LSAMP: variants seen among roughly 807,000 people sequenced by gnomAD.
LSAMP encodes the protein limbic system-associated membrane protein.
A neutral mutation model predicts 38.6 loss-of-function variants in LSAMP; 7 were observed. The ratio of observed to expected loss-of-function variants is 0.18; its 90% confidence interval spans 0.10 to 0.34. The LOEUF (loss-of-function observed/expected upper bound fraction) is 0.34. LSAMP is among the 10% of genes least tolerant of loss of function. LSAMP has a pLI of 1.00. For synonymous variants in LSAMP, 154 were observed against 166.8 expected (o/e 0.92, Z 0.59); for missense variants, 313 against 420.0 (o/e 0.75, Z 2.23).
intron 1 of LSAMP, among the ~76,000 whole-genome samples, chr3:116,319,809 T>TC (rs1167384860): frequency 2.6e-5 from 4 of 151,018 alleles, no homozygotes; most frequent in Non-Finnish European, 5.9e-5. Context: ...TTTTTGTTTT[T>TC]TTTTTTAATA....
intron 1 of LSAMP, among the ~76,000 whole-genome samples, chr3:116,411,084 T>C (rs2048969459): frequency 6.6e-6 from 1 of 152,078 alleles, no homozygotes; most frequent in African/African-American, 2.4e-5. Context: ...AGATATCATC[T>C]CACACCAGTT....
intron 1 of LSAMP, among the ~76,000 whole-genome samples, chr3:116,341,215 G>C (rs533899255): frequency 6.6e-6 from 1 of 151,650 alleles, no homozygotes; most frequent in African/African-American, 2.4e-5. Flanking sequence ...AATTAACTTA[G>C]GTAATTTAAA....
At chr3:116,235,059 G>A (rs1464070324) in intron 1 of LSAMP, among the ~76,000 whole-genome samples, 1 of 151,954 alleles carries the variant, frequency 6.6e-6, no homozygotes, top group Non-Finnish European at 1.5e-5. Flanking sequence ...ACATAATTTG[G>A]AACATGCCAT....
chr3:115,989,328 G>T (rs1345866983), intron 3 of LSAMP, among the ~76,000 whole-genome samples: 1 of 152,030 alleles, frequency 6.6e-6, no homozygotes, highest in East Asian at 1.9e-4. Context: ...CTTTTTAAAA[G>T]AAGATATTGG....
chr3:116,312,324 G>A, intron 1 of LSAMP, among the ~76,000 whole-genome samples: 1 of 152,140 alleles, frequency 6.6e-6, no homozygotes, highest in Non-Finnish European at 1.5e-5. Flanking sequence ...CAGCAACCCT[G>A]CCCATCTTTG....
At position 115,806,014 on chromosome 3, in the gene LSAMP, C is replaced by T. The variant is rs186686991; in HGVS notation, c.*4303G>A. 1 of 152,210 alleles carries T rather than the reference C, an allele frequency of 6.6e-6. No homozygotes were observed. Among genetic ancestry groups the T allele is most frequent in the East Asian group, 1.9e-4 (1 of 5,182 alleles). 9.4% of individuals were successfully genotyped at this position (152,210 alleles called of 1,614,324 possible). A position where few individuals can be genotyped will look rare whatever the true frequency, so the allele number is the denominator to read the frequency against. ...AATAGTTTATGTAGGTAAGATATAG[C>T]ACTGTACTTACATTTCTCTTAAAAA... On this transcript the variant is annotated 3_prime_UTR_variant, in exon 7 of 7. Coordinates refer to ENST00000490035, the MANE Select transcript of LSAMP (RefSeq NM_002338.5).
At chr3:116,213,191 G>C (rs545852647) in intron 1 of LSAMP, among the ~76,000 whole-genome samples, 2 of 152,114 alleles carry the variant, frequency 1.3e-5, no homozygotes, top group Non-Finnish European at 2.9e-5. Context: ...ATCATTTTGA[G>C]TTGTGATATG....
rs145522441 is a variant in LSAMP at position 116,021,997 on chromosome 3, A to G, written c.389-2357T>C. ...ACACTGCATCTCCTAATTAAGGACAATCTATTCAAGTACTGAGTCTCAGAG... is the reference window on the plus strand; with the variant it reads ...ACACTGCATCTCCTAATTAAGGACAGTCTATTCAAGTACTGAGTCTCAGAG... On this transcript the variant is annotated intron_variant, in intron 2 of 6. Coordinates refer to ENST00000490035, the MANE Select transcript of LSAMP (RefSeq NM_002338.5). Among the ~76,000 whole-genome samples, 231 of 152,262 alleles carry G rather than the reference A, an allele frequency of 1.5e-3. 1 individual carries two copies. Among genetic ancestry groups the G allele is most frequent in the Non-Finnish European group, 2.0e-3 (133 of 68,014 alleles).
chr3:116,019,461 C>A (rs893962394), intron 3 of LSAMP, 54 bp downstream of exon 3: 13 of 1,586,054 alleles, frequency 8.2e-6, no homozygotes, highest in Middle Eastern at 3.4e-4. Flanking sequence ...ATTCCAGGAG[C>A]ATGAGCATAT....
chr3:115,925,505 A>T (rs1251778447), intron 3 of LSAMP, among the ~76,000 whole-genome samples: 1 of 152,228 alleles, frequency 6.6e-6, no homozygotes, highest in Non-Finnish European at 1.5e-5. Flanking sequence ...CACAAATGTT[A>T]TAGAAGGCCC....
chr3:115,912,136 A>G (rs1205108754), intron 3 of LSAMP, among the ~76,000 whole-genome samples: 1 of 152,140 alleles, frequency 6.6e-6, no homozygotes, highest in East Asian at 1.9e-4. Flanking sequence ...GGTCTTTTGC[A>G]AAGCAGAAGT....
chr3:115,876,995 A>C (rs1936197291), intron 3 of LSAMP, among the ~76,000 whole-genome samples: 1 of 152,134 alleles, frequency 6.6e-6, no homozygotes, highest in Admixed American at 6.6e-5. Flanking sequence ...AAGCAGAAGG[A>C]GGCAGTCTGA....
At chr3:116,420,186 C>G (rs2107853563) in intron 1 of LSAMP, among the ~76,000 whole-genome samples, 1 of 152,058 alleles carries the variant, frequency 6.6e-6, no homozygotes, top group East Asian at 2.0e-4. Flanking sequence ...CTACCTCCGC[C>G]TCCTGGGTTC....
At chr3:115,914,940 C>T (rs1043141333) in intron 3 of LSAMP, among the ~76,000 whole-genome samples, 2 of 152,188 alleles carry the variant, frequency 1.3e-5, no homozygotes, top group Non-Finnish European at 2.9e-5. Context: ...CTGGGTTAGA[C>T]TCCAAAGGGG....
At chr3:116,040,306 G>T (rs1941140687) in intron 2 of LSAMP, among the ~76,000 whole-genome samples, 3 of 152,156 alleles carry the variant, frequency 2.0e-5, no homozygotes, top group Admixed American at 2.0e-4. Flanking sequence ...ATTCAGAATG[G>T]AAAGCTGATG....
intron 1 of LSAMP, among the ~76,000 whole-genome samples, chr3:116,104,451 A>G (rs1032468157): frequency 6.6e-6 from 1 of 151,970 alleles, no homozygotes; most frequent in Admixed American, 6.6e-5. Flanking sequence ...CTTGCACCTC[A>G]TGTTCTTCCA....
At chr3:116,275,124 C>G (rs1332951350) in intron 1 of LSAMP, among the ~76,000 whole-genome samples, 1 of 152,140 alleles carries the variant, frequency 6.6e-6, no homozygotes, top group African/African-American at 2.4e-5. Context: ...ATCATCATAG[C>G]TTACTGCAAC....
chr3:116,105,621 C>T (rs962763239), intron 1 of LSAMP, among the ~76,000 whole-genome samples: 49 of 152,114 alleles, frequency 3.2e-4, no homozygotes, highest in Non-Finnish European at 6.5e-4. Flanking sequence ...GGGTTAATCA[C>T]TCAGTTAAAG....
In LSAMP at chr3:116,445,103, ACCAAC is replaced by A; in HGVS notation, c.-77_-73del. 1 of 1,474,566 alleles carries A rather than the reference ACCAAC, an allele frequency of 6.8e-7. No individual in the cohort carries two copies. Among genetic ancestry groups the A allele is most frequent in the Non-Finnish European group, 9.2e-7 (1 of 1,085,388 alleles). The allele number at this position is 1,474,566 out of a possible 1,614,324, so 91.3% of individuals were successfully genotyped here. A position where few individuals can be genotyped will look rare whatever the true frequency, so the allele number is the denominator to read the frequency against. ...CGCGCTGCTCGCGAGGAGAGGCTTC[ACCAAC>A]ACGGGGCTTTCATCCACAGCGAGCG... On this transcript the variant is annotated 5_prime_UTR_variant, in exon 1 of 7. It removes the in-frame stop codon of an upstream open reading frame in the 5' UTR. Transcript: ENST00000490035.
Sources: gnomAD v4.1 joint callset for allele counts (sites outside exome capture counted in the v4.1 genomes callset) on GRCh38, gnomAD v4.1.1 for gene constraint, MANE v1.5 for transcripts, NCBI Gene and HGNC (gene_info 2026-07-23, HGNC 2026-07-21) for gene names.